The following SLA2 variants were observed in gnomAD, a reference collection of about 807,000 sequenced individuals.
SLA2 encodes Src like adaptor 2, also known as src-like-adapter 2.
Under a neutral mutation model 27.3 loss-of-function variants are expected in SLA2, and 22 were observed. That is an observed-to-expected ratio of 0.81 (90% CI 0.58 to 1.15). The LOEUF is 1.15. SLA2 is among the 50% of genes most tolerant of loss of function. SLA2 has a pLI of 0.00. For missense variants in SLA2, 304 were observed against 322.2 expected (o/e 0.94, Z 0.43); for synonymous variants, 131 against 137.8 (o/e 0.95, Z 0.34).
intron 5 of SLA2, among the ~76,000 whole-genome samples, chr20:36,615,917 T>C (rs1282717910): frequency 2.6e-5 from 4 of 152,208 alleles, no homozygotes; most frequent in Non-Finnish European, 5.9e-5. Flanking sequence ...AGCCCGTTTG[T>C]GCTCAAGAGT....
chr20:36,618,861 T>G (rs1017009565), intron 5 of SLA2, among the ~76,000 whole-genome samples: 11 of 141,842 alleles, frequency 7.8e-5, no homozygotes, highest in African/African-American at 3.0e-4. Context: ...GAGCCGAGAT[T>G]GTACCATTTC....
At chr20:36,640,523 T>C (rs980746955) in intron 2 of SLA2, among the ~76,000 whole-genome samples, 3 of 150,970 alleles carry the variant, frequency 2.0e-5, no homozygotes, top group African/African-American at 7.3e-5. Context: ...TTTTTTTTTT[T>C]TGTTAGACGA....
chr20:36,622,355 CAAA>C (rs796971769), intron 5 of SLA2, among the ~76,000 whole-genome samples: 1 of 95,386 alleles, frequency 1.0e-5, no homozygotes, highest in Non-Finnish European at 2.3e-5. Context: ...GACTCCATCT[CAAA>C]AAAAAAAAAC....
chr20:36,634,379 G>A (rs960933918), intron 3 of SLA2, 111 bp downstream of exon 3: 156 of 760,494 alleles, frequency 2.1e-4, no homozygotes, highest in Non-Finnish European at 5.1e-5. Flanking sequence ...GAGCTCCCGA[G>A]CTCCAGCGAT....
Position 36,633,579 on chromosome 20 carries a change from T to C in SLA2, c.242A>G (p.Asn81Ser). ...TTTGGCCACGTGGACGCTGGGGATGTTATACTCTCTGCCTGAGACTTCAGA... is the reference window on the plus strand; with the variant it reads ...TTTGGCCACGTGGACGCTGGGGATGCTATACTCTCTGCCTGAGACTTCAGA... The part of the protein sequence containing the change: ...VLSEVSGREY[N>S]IPSVHVAKVS... The change falls in exon 4 of 8, where the codon AAC becomes AGC. Residue 81 changes from asparagine to serine, a missense_variant. Coordinates refer to ENST00000262866, the MANE Select transcript of SLA2 (RefSeq NM_032214.4). 1 of 1,614,056 alleles carries C rather than the reference T, an allele frequency of 6.2e-7. No homozygotes were observed. The highest frequency in any genetic ancestry group is 8.5e-7 in the Non-Finnish European group (1 of 1,179,980).
In SLA2 at chr20:36,613,950, C is replaced by T. The variant is rs768674059; in HGVS notation, c.702G>A (p.Glu234=). 2.5e-6 allele frequency: 4 copies of T among 1,614,126 alleles called. No individual in the cohort carries two copies. Residue 234 remains glutamate, a synonymous_variant, in exon 8 of 8, where the codon GAG becomes GAA. Transcript: ENST00000262866. ...CCCGGAGACCCTCACTGAGAAGAGA[C>T]TCCTCCCCTGTGGCAGCTTCAGAAA... ...LLFSEAATGE[E]SLLSEGLRES...
chr20:36,639,112 C>T (rs1409976712), intron 2 of SLA2, among the ~76,000 whole-genome samples: 4 of 152,302 alleles, frequency 2.6e-5, no homozygotes, highest in Admixed American at 1.3e-4. Context: ...TCCCAAAGTG[C>T]TAGGATTACA....
In SLA2 at chr20:36,615,387, G is replaced by T. The variant is rs905920436; in HGVS notation, c.383-13C>A. On this transcript the variant is annotated splice_polypyrimidine_tract_variant and intron_variant, in intron 5 of 7. Coordinates refer to ENST00000262866, the MANE Select transcript of SLA2 (RefSeq NM_032214.4). ...AGAGAGTAAGAGCCTGAGGAGAAAGGGGTCCAGGGGTGGCACTGAGGCCCT... is the reference window on the plus strand; with the variant it reads ...AGAGAGTAAGAGCCTGAGGAGAAAGTGGTCCAGGGGTGGCACTGAGGCCCT... 2 of 1,612,842 alleles carry T rather than the reference G, an allele frequency of 1.2e-6. No individual in the cohort carries two copies. Among genetic ancestry groups the T allele is most frequent in the African/African-American group, 1.3e-5 (1 of 74,906 alleles).
chr20:36,644,438 G>A (rs868609127), intron 1 of SLA2, among the ~76,000 whole-genome samples: 30 of 152,332 alleles, frequency 2.0e-4, no homozygotes, highest in Admixed American at 9.2e-4. Context: ...CAGAGTGGGT[G>A]CTCAGTAAGG....
intron 5 of SLA2, among the ~76,000 whole-genome samples, chr20:36,623,755 A>G (rs903006222): frequency 2.0e-5 from 3 of 151,958 alleles, no homozygotes; most frequent in African/African-American, 7.3e-5. Flanking sequence ...CAGCCTCCCA[A>G]GTAGCTGGGG....
chr20:36,619,302 G>A (rs1299138885), intron 5 of SLA2, among the ~76,000 whole-genome samples: 1 of 151,430 alleles, frequency 6.6e-6, no homozygotes, highest in Non-Finnish European at 1.5e-5. Flanking sequence ...AAGGTGGGTG[G>A]ATCACCTGAG....
chr20:36,643,542 A>G lies in SLA2; in HGVS notation c.-43-2164T>C, dbSNP rs752520807. ...TGGATGAGGACGGGCGTCCATCAAT[A>G]TCATGGAGTGATTTCTGTGGCGTCC... is the stretch of plus-strand genomic sequence containing the variant. On this transcript the variant is annotated intron_variant, in intron 1 of 7. Transcript: ENST00000262866. 6.0e-4 allele frequency among the ~76,000 whole-genome samples: 92 copies of G among 152,158 alleles called. 1 individual carries two copies. The highest frequency in any genetic ancestry group is 3.0e-3 in the Admixed American group (46 of 15,260).
chr20:36,629,359 C>T lies in SLA2; in HGVS notation c.382+3236G>A, dbSNP rs574465690. Among the ~76,000 whole-genome samples, 19 of 150,066 alleles carry T rather than the reference C, an allele frequency of 1.3e-4. No homozygotes were observed. In the South Asian group the frequency reaches 4.1e-3, roughly 33 times the overall value. ...AGATCTTCATGGATCCCGCTGGGCGCGGTGGCTCATGCCTGTATCCTAGCA... is the reference window on the plus strand; with the variant it reads ...AGATCTTCATGGATCCCGCTGGGCGTGGTGGCTCATGCCTGTATCCTAGCA... On this transcript the variant is annotated intron_variant, in intron 5 of 7. Coordinates refer to ENST00000262866, the MANE Select transcript of SLA2 (RefSeq NM_032214.4).
At chr20:36,645,614 C>A (rs1015209113) in intron 1 of SLA2, among the ~76,000 whole-genome samples, 3 of 152,188 alleles carry the variant, frequency 2.0e-5, no homozygotes, top group African/African-American at 4.8e-5. Context: ...CACGGAAGAG[C>A]GTAAGCTCCA....
At chr20:36,630,172 C>T (rs138666285) in intron 5 of SLA2, among the ~76,000 whole-genome samples, 15 of 152,292 alleles carry the variant, frequency 9.8e-5, no homozygotes, top group Admixed American at 2.6e-4. Context: ...CACTCCGCAA[C>T]GCTGCTGTGG....
In SLA2 at chr20:36,632,617, G is replaced by C; in HGVS notation, c.360C>G (p.Ile120Met). 1.9e-6 allele frequency: 3 copies of C among 1,614,168 alleles called. No homozygotes were observed. Among genetic ancestry groups the C allele is most frequent in the Non-Finnish European group, 2.5e-6 (3 of 1,180,004 alleles). Residue 120 changes from isoleucine to methionine, a missense_variant, in exon 5 of 8, where the codon ATC (isoleucine) becomes ATG (methionine). Physicochemically the swap from Ile to Met is conservative, Grantham distance 10. Coordinates refer to ENST00000262866, the MANE Select transcript of SLA2 (RefSeq NM_032214.4). The stretch of plus-strand genomic sequence containing the variant: ...CACCTCTCCTGGTCTGGCTCTCCCG[G>C]ATGAGGAAGGCCCCTCCAGGGTTCC... ...LPGNPGGAFL[I>M]RESQTRRGSY...
intron 1 of SLA2, among the ~76,000 whole-genome samples, chr20:36,644,911 A>G (rs1600837298): frequency 8.9e-6 from 1 of 112,504 alleles, no homozygotes; most frequent in African/African-American, 3.5e-5. Context: ...CTTGGGTCCC[A>G]TTTCAGATAC....
chr20:36,641,222 C>A, intron 2 of SLA2, 23 bp downstream of exon 2: 1 of 1,596,222 alleles, frequency 6.3e-7, no homozygotes, highest in Non-Finnish European at 8.6e-7. Flanking sequence ...AAGAGCCTGG[C>A]TGTCACAGGC....
At chr20:36,627,501 G>A (rs2039351199) in intron 5 of SLA2, among the ~76,000 whole-genome samples, 1 of 152,210 alleles carries the variant, frequency 6.6e-6, no homozygotes. Flanking sequence ...CTGACTCGGA[G>A]GAGATGCTCA....
Sources: allele counts gnomAD v4.1 joint callset (sites outside exome capture counted in the v4.1 genomes callset), GRCh38; gene constraint gnomAD v4.1.1; transcripts MANE v1.5; gene names NCBI Gene and HGNC (gene_info 2026-07-23, HGNC 2026-07-21).